The following ABLIM1 variants were observed in gnomAD, a reference collection of about 807,000 sequenced individuals.
ABLIM1 encodes the protein actin binding LIM protein 1.
A neutral mutation model predicts 107.0 loss-of-function variants in ABLIM1; 40 were observed. The observed-to-expected ratio is 0.37, with a 90% confidence interval of 0.29 to 0.49. The LOEUF is 0.49. Among genes scored for constraint, ABLIM1 ranks in the 20% least tolerant of loss-of-function variants. The pLI is 0.97. For missense variants in ABLIM1, 857 were observed against 1,008.5 expected, an observed-to-expected ratio of 0.85 and a Z score of 2.04; for synonymous variants, 357 against 357.3, an observed-to-expected ratio of 1.00 and a Z score of 0.01.
intron 1 of ABLIM1, among the ~76,000 whole-genome samples, chr10:114,718,346 C>T (rs975234982): frequency 3.9e-5 from 6 of 152,118 alleles, no homozygotes; most frequent in African/African-American, 1.4e-4. Flanking sequence ...CCCACCCACC[C>T]CCACACACAC....
chr10:114,542,022 C>T lies in ABLIM1; in HGVS notation c.894+2983G>A, dbSNP rs745712516. On this transcript the variant is annotated intron_variant, in intron 6 of 22. Transcript: ENST00000533213. Reference sequence around the variant, plus strand: ...ATGTGGACTAAGAAGACTGCAAACACGGCTGTCACAAATGTGGGGACCACG... The same window carrying T: ...ATGTGGACTAAGAAGACTGCAAACATGGCTGTCACAAATGTGGGGACCACG... 3.3e-5 allele frequency among the ~76,000 whole-genome samples: 5 copies of T among 151,906 alleles called. No individual in the cohort carries two copies. In the East Asian group the frequency reaches 5.8e-4, roughly 18 times the overall value.
At chr10:114,465,873 A>G in intron 11 of ABLIM1, 46 bp from the exon 12 acceptor site, 1 of 1,601,750 alleles carries the variant, frequency 6.2e-7, no homozygotes, top group South Asian at 1.1e-5. Flanking sequence ...ATGCCTCAGT[A>G]GGAACCACGC....
At chr10:114,506,585 T>C (rs1464084701) in intron 6 of ABLIM1, among the ~76,000 whole-genome samples, 1 of 152,248 alleles carries the variant, frequency 6.6e-6, no homozygotes, top group African/African-American at 2.4e-5. Context: ...CAGTGTGGTT[T>C]CCATTTGCAT....
intron 1 of ABLIM1, chr10:114,613,625 C>G: frequency 1.6e-6 from 2 of 1,273,662 alleles, no homozygotes; most frequent in Non-Finnish European, 1.0e-6. Flanking sequence ...CTTGCTCTTG[C>G]ACTGTGAATA....
intron 6 of ABLIM1, among the ~76,000 whole-genome samples, chr10:114,542,438 G>GAAAAAAAAAAA (rs375774485): frequency 1.0e-5 from 1 of 96,398 alleles, no homozygotes; most frequent in African/African-American, 3.4e-5. Context: ...AAAGAAAAAA[G>GAAAAAAAAAAA]AAAAAAAAAA....
At chr10:114,582,343 G>T (rs1424814940) in intron 2 of ABLIM1, among the ~76,000 whole-genome samples, 1 of 152,106 alleles carries the variant, frequency 6.6e-6, no homozygotes, top group Non-Finnish European at 1.5e-5. Flanking sequence ...ATGAAACACT[G>T]CTGAAAGAAA....
chr10:114,549,515 C>A (rs1469717955), intron 4 of ABLIM1, among the ~76,000 whole-genome samples: 8 of 152,100 alleles, frequency 5.3e-5, no homozygotes, highest in African/African-American at 1.9e-4. Context: ...GCTAGTTTAA[C>A]CCGTTCTTTT....
At chr10:114,726,787 A>G (rs994279657) in intron 1 of ABLIM1, among the ~76,000 whole-genome samples, 1 of 152,114 alleles carries the variant, frequency 6.6e-6, no homozygotes, top group Non-Finnish European at 1.5e-5. Context: ...TCTCAAAAAA[A>G]CACACAAAAA....
At chr10:114,451,041 G>A (rs1401967609) in intron 14 of ABLIM1, among the ~76,000 whole-genome samples, 1 of 152,156 alleles carries the variant, frequency 6.6e-6, no homozygotes, top group Non-Finnish European at 1.5e-5. Context: ...CTAACTAACT[G>A]GTTTTTACAG....
chr10:114,647,702 G>A (rs2079068648), intron 1 of ABLIM1, among the ~76,000 whole-genome samples: 1 of 152,172 alleles, frequency 6.6e-6, no homozygotes, highest in African/African-American at 2.4e-5. Flanking sequence ...ACAAACCTTT[G>A]TGAGCTAGAT....
intron 1 of ABLIM1, among the ~76,000 whole-genome samples, chr10:114,614,752 C>T (rs1441426334): frequency 6.6e-6 from 1 of 152,084 alleles, no homozygotes; most frequent in Admixed American, 6.6e-5. Flanking sequence ...CAGGGCACAG[C>T]TATGAAAAAC....
intron 1 of ABLIM1, among the ~76,000 whole-genome samples, chr10:114,723,245 A>C (rs1403798794): frequency 2.0e-5 from 3 of 152,164 alleles, no homozygotes; most frequent in Non-Finnish European, 4.4e-5. Flanking sequence ...TGAGGACCAG[A>C]ATCTCAATGT....
intron 12 of ABLIM1, among the ~76,000 whole-genome samples, chr10:114,464,948 T>G (rs937394647): frequency 6.6e-6 from 1 of 152,170 alleles, no homozygotes; most frequent in African/African-American, 2.4e-5. Context: ...TACTGGGATC[T>G]CCATTCTTCT....
At chr10:114,710,402 A>C (rs748469173) in intron 1 of ABLIM1, among the ~76,000 whole-genome samples, 3 of 152,210 alleles carry the variant, frequency 2.0e-5, no homozygotes, top group Non-Finnish European at 4.4e-5. Context: ...GGTGGCAGGC[A>C]AGACAGAATG....
chr10:114,798,560 C>CCCCA, the ABLIM1 span, among the ~76,000 whole-genome samples: 1 of 138,476 alleles, frequency 7.2e-6, no homozygotes, highest in South Asian at 2.3e-4. Context: ...GATGAGACCC[C>CCCCA]CCCCCCATGT....
intron 2 of ABLIM1, among the ~76,000 whole-genome samples, chr10:114,591,821 T>TTATAA (rs2074917893): frequency 6.6e-6 from 1 of 152,170 alleles, no homozygotes; most frequent in Admixed American, 6.6e-5. Flanking sequence ...ATATACTTCC[T>TTATAA]GGTTGAACAT....
chr10:114,724,394 C>A (rs977430739), intron 1 of ABLIM1, among the ~76,000 whole-genome samples: 1 of 152,152 alleles, frequency 6.6e-6, no homozygotes, highest in Non-Finnish European at 1.5e-5. Flanking sequence ...ACTGTCATTA[C>A]CACCTTTATG....
intron 12 of ABLIM1, 145 bp from the exon 13 acceptor site, chr10:114,453,628 C>T: frequency 1.4e-6 from 1 of 718,180 alleles, no homozygotes; most frequent in Non-Finnish European, 2.2e-6. Flanking sequence ...CTCAATTTAT[C>T]AACTTGACTT....
At position 114,491,965 on chromosome 10, in the gene ABLIM1, G is replaced by A. The variant is rs2059060079; in HGVS notation, c.895-87C>T. 6 of 1,115,696 alleles carry A rather than the reference G, an allele frequency of 5.4e-6. No individual in the cohort carries two copies. The South Asian group carries it at 9.5e-5, about 18-fold the overall frequency. The allele number at this position is 1,115,696 out of a possible 1,614,324, so 69.1% of individuals were successfully genotyped here. A position where few individuals can be genotyped will look rare whatever the true frequency, so the allele number is the denominator to read the frequency against. On this transcript the variant is annotated intron_variant, in intron 6 of 22. Transcript: ENST00000533213. The stretch of plus-strand genomic sequence containing the variant: ...CTGGACTTGATGATTTAGAAGAAAA[G>A]AGAGGATGCTGAAAAAGGAAAAATA...
Sources: allele counts gnomAD v4.1 joint callset (sites outside exome capture counted in the v4.1 genomes callset), GRCh38; gene constraint gnomAD v4.1.1; transcripts MANE v1.5; gene names NCBI Gene and HGNC (gene_info 2026-07-23, HGNC 2026-07-21).